Variants in SLIT3 observed in about 807,000 individuals in gnomAD.
The protein encoded by SLIT3 is slit homolog 3 protein.
In SLIT3, 68 loss-of-function variants were observed where a neutral mutation model predicts 184.0. The observed-to-expected ratio is 0.37, with a 90% CI of 0.30 to 0.45. The LOEUF (loss-of-function observed/expected upper bound fraction) is 0.45. Ranked by LOEUF, SLIT3 falls within the 20% of genes least tolerant of loss-of-function variation. The pLI is 1.00. For synonymous variants in SLIT3, 831 were observed against 828.6 expected, an observed-to-expected ratio of 1.00 and a Z score of -0.05; for missense variants, 1,707 against 2,026.0, an observed-to-expected ratio of 0.84 and a Z score of 3.02.
At chr5:168,843,675 A>G (rs914070901) in intron 6 of SLIT3, among the ~76,000 whole-genome samples, 2 of 152,216 alleles carry the variant, frequency 1.3e-5, no homozygotes, top group African/African-American at 2.4e-5. Context: ...GTCTCCTGAC[A>G]GAAGTGGCAC....
At chr5:168,836,495 C>A (rs1197258138) in intron 6 of SLIT3, among the ~76,000 whole-genome samples, 1 of 152,158 alleles carries the variant, frequency 6.6e-6, no homozygotes, top group Non-Finnish European at 1.5e-5. Flanking sequence ...TACGGTATTT[C>A]CCCTGCCCTC....
chr5:169,189,615 C>G (rs1284072576), intron 4 of SLIT3, among the ~76,000 whole-genome samples: 1 of 140,040 alleles, frequency 7.1e-6, no homozygotes, highest in African/African-American at 2.7e-5. Context: ...ATTTCCTCCT[C>G]TATAAAATAA....
At chr5:169,024,120 C>G (rs1460098115) in intron 4 of SLIT3, 1 of 152,268 alleles carries the variant, frequency 6.6e-6, no homozygotes, top group Non-Finnish European at 1.5e-5. Flanking sequence ...AGTCACCCAG[C>G]TGCTAAGCCT....
intron 4 of SLIT3, among the ~76,000 whole-genome samples, chr5:169,079,983 A>G (rs559204511): frequency 2.6e-5 from 4 of 151,508 alleles, no homozygotes; most frequent in Non-Finnish European, 4.4e-5. Context: ...TATGCACGAC[A>G]CTTGTTAAAA....
chr5:169,073,487 C>A (rs141793864), intron 4 of SLIT3, among the ~76,000 whole-genome samples: 1 of 151,768 alleles, frequency 6.6e-6, no homozygotes, highest in African/African-American at 2.4e-5. Context: ...GAGGCAAAGT[C>A]GTCTTCTACA....
At chr5:168,822,822 G>A (rs549276929) in intron 7 of SLIT3, among the ~76,000 whole-genome samples, 1 of 152,300 alleles carries the variant, frequency 6.6e-6, no homozygotes, top group African/African-American at 2.4e-5. Flanking sequence ...CTCCTGTACT[G>A]TCATTCCTCA....
At chr5:169,261,932 G>A (rs1766201972) in intron 1 of SLIT3, among the ~76,000 whole-genome samples, 1 of 152,220 alleles carries the variant, frequency 6.6e-6, no homozygotes, top group African/African-American at 2.4e-5. Context: ...CCAAGGAACT[G>A]GAGGCAGCCT....
At chr5:168,909,230 G>C (rs921500110) in intron 4 of SLIT3, among the ~76,000 whole-genome samples, 3 of 152,186 alleles carry the variant, frequency 2.0e-5, no homozygotes, top group Non-Finnish European at 2.9e-5. Context: ...ACTTTTTATG[G>C]ATTCCTCCTT....
Position 168,692,712 on chromosome 5 carries a change from G to C in SLIT3, c.3083-12C>G, listed in dbSNP as rs199853386. 27 of 1,604,330 alleles carry C rather than the reference G, an allele frequency of 1.7e-5. No homozygotes were observed. The highest frequency in any genetic ancestry group is 2.0e-5 in the Non-Finnish European group (24 of 1,171,436). On this transcript the variant is annotated splice_polypyrimidine_tract_variant and intron_variant, in intron 28 of 35. Coordinates refer to ENST00000519560, the MANE Select transcript of SLIT3 (RefSeq NM_003062.4). ...GTCGCATAGCTCACCTGGCACAGAT[G>C]GGGGAGATAGCTCAGGCCTCAGGCA...
Position 169,007,554 on chromosome 5 carries a change from C to G in SLIT3, c.414-124218G>C, listed in dbSNP as rs149905878. ...AGGTAAGTAGTTTGCATGACACATA[C>G]CTATGTGTGTGTTAAGTGTGTATTT... is the stretch of plus-strand genomic sequence containing the variant. On this transcript the variant is annotated intron_variant, in intron 4 of 35. Transcript: ENST00000519560. Among the ~76,000 whole-genome samples the G allele has an allele frequency of 1.3e-3, 203 of 152,302 alleles. 1 individual carries two copies. Among genetic ancestry groups the G allele is most frequent in the African/African-American group, 4.8e-3 (198 of 41,566 alleles).
At chr5:169,256,193 T>C (rs1317019074) in intron 1 of SLIT3, among the ~76,000 whole-genome samples, 1 of 152,220 alleles carries the variant, frequency 6.6e-6, no homozygotes, top group Non-Finnish European at 1.5e-5. Flanking sequence ...ACACCTATAG[T>C]CCCAGCCACT....
chr5:169,218,941 G>A (rs1764534489), intron 3 of SLIT3, among the ~76,000 whole-genome samples: 2 of 152,204 alleles, frequency 1.3e-5, no homozygotes, highest in African/African-American at 4.8e-5. Context: ...TCACTGAAAT[G>A]TTGGGAGGCT....
rs1394228674 is a variant in SLIT3, at chr5:168,746,637, T to C, written c.2270+1665A>G. 6.0e-4 allele frequency among the ~76,000 whole-genome samples: 36 copies of C among 60,330 alleles called. 7 individuals are homozygous for C. Among genetic ancestry groups the C allele is most frequent in the Admixed American group, 2.5e-4 (1 of 4,060 alleles). The allele number at this position is 60,330 out of a possible 152,430, so 39.6% of individuals were successfully genotyped here. A position where few individuals can be genotyped will look rare whatever the true frequency, so the allele number is the denominator to read the frequency against. ...TGTGTAGTATGGTGGTGTGGTGGTG[T>C]GTAGTGGTGTGGGTGTGTGGTGTGT... On this transcript the variant is annotated intron_variant, in intron 20 of 35. Coordinates refer to ENST00000519560, the MANE Select transcript of SLIT3 (RefSeq NM_003062.4).
chr5:168,669,086 A>T (rs1468325091), intron 35 of SLIT3, among the ~76,000 whole-genome samples: 1 of 152,214 alleles, frequency 6.6e-6, no homozygotes, highest in African/African-American at 2.4e-5. Context: ...CAACAACCCT[A>T]TAAAGAAGCA....
chr5:169,070,810 A>C (rs1362441411), intron 4 of SLIT3, among the ~76,000 whole-genome samples: 1 of 151,964 alleles, frequency 6.6e-6, no homozygotes, highest in African/African-American at 2.4e-5. Context: ...AAAAAAAAAA[A>C]AAAAAGAAAC....
At chr5:168,812,126 T>A (rs1757177484) in intron 8 of SLIT3, among the ~76,000 whole-genome samples, 1 of 152,178 alleles carries the variant, frequency 6.6e-6, no homozygotes, top group Non-Finnish European at 1.5e-5. Flanking sequence ...CCACATGATC[T>A]AAGTTATATG....
At chr5:168,789,236 G>A (rs953714443) in intron 11 of SLIT3, among the ~76,000 whole-genome samples, 40 of 149,570 alleles carry the variant, frequency 2.7e-4, no homozygotes, top group South Asian at 8.7e-4. Context: ...GAAAGATAGC[G>A]CTGCGGTGGC....
chr5:168,844,714 G>A, intron 5 of SLIT3, 59 bp from the exon 6 acceptor site: 2 of 1,543,152 alleles, frequency 1.3e-6, no homozygotes, highest in Non-Finnish European at 1.8e-6. Flanking sequence ...GGGGCCGGCG[G>A]CCCAGGCCAC....
At position 169,249,725 on chromosome 5, in the gene SLIT3, C is replaced by G. The variant is rs960443114; in HGVS notation, c.269+1663G>C. On this transcript the variant is annotated intron_variant, in intron 2 of 35. Coordinates refer to ENST00000519560, the MANE Select transcript of SLIT3 (RefSeq NM_003062.4). ...CCCTAAAACTGAACCATGGAATTCC[C>G]CCACCCTGATCTCAGTCTCGATTCT... Among the ~76,000 whole-genome samples, 6 of 152,332 alleles carry G rather than the reference C, an allele frequency of 3.9e-5. No individual in the cohort carries two copies. The South Asian group carries it at 1.2e-3, about 32-fold the overall frequency.
Sources: allele counts gnomAD v4.1 joint callset (sites outside exome capture counted in the v4.1 genomes callset), GRCh38; gene constraint gnomAD v4.1.1; transcripts MANE v1.5; gene names NCBI Gene and HGNC (gene_info 2026-07-23, HGNC 2026-07-21).